CDH13: variants seen among roughly 807,000 people sequenced by gnomAD.
CDH13 encodes cadherin 13.
A neutral mutation model predicts 63.8 loss-of-function variants in CDH13; 24 were observed. That is an observed-to-expected ratio of 0.38 (90% CI 0.27 to 0.53). The LOEUF (loss-of-function observed/expected upper bound fraction) is 0.53, where lower values mean the gene tolerates loss of function less well. CDH13 is among the 20% of genes least tolerant of loss of function. CDH13 has a pLI of 0.85. For missense variants in CDH13, 1,049 were observed against 903.1 expected (o/e 1.16, Z -2.07); for synonymous variants, 503 against 355.3 (o/e 1.42, Z -4.67).
At chr16:83,122,999 A>G (rs1411937928) in intron 3 of CDH13, among the ~76,000 whole-genome samples, 1 of 151,952 alleles carries the variant, frequency 6.6e-6, no homozygotes, top group Non-Finnish European at 1.5e-5. Context: ...CCCATTGTTG[A>G]GCTCCCACCA....
intron 7 of CDH13, among the ~76,000 whole-genome samples, chr16:83,489,594 G>C (rs2073963913): frequency 6.6e-6 from 1 of 152,226 alleles, no homozygotes; most frequent in Admixed American, 6.5e-5. Context: ...TAAAAAACTT[G>C]CACATCAGAT....
chr16:83,457,650 G>C (rs1384805490), intron 6 of CDH13, among the ~76,000 whole-genome samples: 1 of 151,994 alleles, frequency 6.6e-6, no homozygotes, highest in East Asian at 1.9e-4. Flanking sequence ...GCTTTAGAGA[G>C]ATGAGTTCAG....
intron 7 of CDH13, among the ~76,000 whole-genome samples, chr16:83,542,836 G>C (rs754029510): frequency 6.6e-6 from 1 of 152,170 alleles, no homozygotes; most frequent in Non-Finnish European, 1.5e-5. Context: ...AATCATATTG[G>C]CTTAGGGCCC....
At chr16:83,136,572 T>A (rs1257653581) in intron 4 of CDH13, among the ~76,000 whole-genome samples, 1 of 150,734 alleles carries the variant, frequency 6.6e-6, no homozygotes, top group Non-Finnish European at 1.5e-5. Context: ...ATGAGAAGCA[T>A]AGCTCACCAT....
At position 83,403,399 on chromosome 16, in the gene CDH13, G is replaced by C. The variant is rs201945475; in HGVS notation, c.781+58393G>C. Among the ~76,000 whole-genome samples the C allele has an allele frequency of 2.0e-5, 3 of 152,062 alleles. No homozygotes were observed. In the East Asian group the frequency reaches 5.8e-4, roughly 29 times the overall value. ...AGCACTTTGGGAGGCCGAGGCGGGT[G>C]GATCACGAGGTCAGGAGATCGAGAG... On this transcript the variant is annotated intron_variant, in intron 6 of 13. Coordinates refer to ENST00000567109, the MANE Select transcript of CDH13 (RefSeq NM_001257.5).
At chr16:82,968,797 A>C (rs1908255098) in intron 2 of CDH13, among the ~76,000 whole-genome samples, 1 of 152,188 alleles carries the variant, frequency 6.6e-6, no homozygotes, top group South Asian at 2.1e-4. Context: ...TGAGCCTTTC[A>C]CAAATGGGTT....
Position 83,678,456 on chromosome 16 carries a change from C to A in CDH13, c.1533C>A (p.Thr511=), listed in dbSNP as rs1425580617. Residue 511 remains threonine (T), a synonymous_variant, in exon 10 of 14, where the codon ACC becomes ACA. Transcript: ENST00000567109. ...ACCCCGACTCCCTGCAGCATCAAAC[C>A]ATCAGGTGGGTGAGTGGCTCCGGAA... The part of the protein sequence containing the change: ...ATDPDSLQHQ[T]IRYSVYKDPA... 5 of 1,613,934 alleles carry A rather than the reference C, an allele frequency of 3.1e-6. No homozygotes were observed. The highest frequency in any genetic ancestry group is 1.1e-5 in the South Asian group (1 of 91,070).
chr16:83,363,540 T>G (rs2091203419), intron 6 of CDH13, among the ~76,000 whole-genome samples: 1 of 152,170 alleles, frequency 6.6e-6, no homozygotes, highest in African/African-American at 2.4e-5. Context: ...TGAGAATTAG[T>G]TGGTGGTGAG....
chr16:82,649,091 G>GAGAA (rs1020643770), intron 1 of CDH13, among the ~76,000 whole-genome samples: 11 of 152,024 alleles, frequency 7.2e-5, no homozygotes, highest in African/African-American at 2.7e-4. Flanking sequence ...TATAGTTAGA[G>GAGAA]AGTGAGCGCG....
At chr16:83,360,130 C>G (rs1211186048) in intron 6 of CDH13, among the ~76,000 whole-genome samples, 4 of 152,164 alleles carry the variant, frequency 2.6e-5, no homozygotes, top group South Asian at 2.1e-4. Context: ...GTTCTATTGC[C>G]AAAGATAGGG....
intron 5 of CDH13, among the ~76,000 whole-genome samples, chr16:83,323,218 CTT>C (rs1695878030): frequency 1.4e-5 from 2 of 143,208 alleles, no homozygotes; most frequent in Non-Finnish European, 1.5e-5. Flanking sequence ...TTCTTTCTTT[CTT>C]TCTTTCTTTC....
chr16:82,725,252 C>T (rs2151027406), intron 1 of CDH13, among the ~76,000 whole-genome samples: 1 of 152,268 alleles, frequency 6.6e-6, no homozygotes, highest in East Asian at 1.9e-4. Flanking sequence ...TGTCTCTTTC[C>T]CCATACTCGT....
At chr16:83,018,723 A>C (rs754912082) in intron 2 of CDH13, among the ~76,000 whole-genome samples, 5 of 152,236 alleles carry the variant, frequency 3.3e-5, no homozygotes, top group Non-Finnish European at 7.3e-5. Context: ...GGTATAGCCT[A>C]TTACACACCT....
intron 6 of CDH13, among the ~76,000 whole-genome samples, chr16:83,417,096 T>A (rs139663614): frequency 6.6e-6 from 1 of 152,218 alleles, no homozygotes; most frequent in African/African-American, 2.4e-5. Context: ...GCCACTGTTA[T>A]TATTCCTACT....
intron 2 of CDH13, among the ~76,000 whole-genome samples, chr16:82,921,660 C>G (rs2216735): frequency 7.2e-5 from 11 of 151,846 alleles, no homozygotes; most frequent in African/African-American, 2.7e-4. Context: ...AATATGTTGT[C>G]GAGGATTTTG....
rs141264000 is a variant in CDH13 at position 83,675,758 on chromosome 16, A to G, written c.1285-2450A>G. On this transcript the variant is annotated intron_variant, in intron 9 of 13. Transcript: ENST00000567109. Reference sequence around the variant, plus strand: ...CAGGGCCAGGACTTGACTGCCACCCATCTTTCTATCTAATAAAAAAATAGG... The same window carrying G: ...CAGGGCCAGGACTTGACTGCCACCCGTCTTTCTATCTAATAAAAAAATAGG... Among the ~76,000 whole-genome samples the G allele has an allele frequency of 4.4e-4, 67 of 152,338 alleles. 1 individual carries two copies. In the East Asian group the frequency reaches 8.3e-3, roughly 19 times the overall value.
chr16:82,782,935 C>T (rs1016129940), intron 1 of CDH13, among the ~76,000 whole-genome samples: 10 of 152,164 alleles, frequency 6.6e-5, no homozygotes, highest in African/African-American at 2.4e-4. Context: ...CTAGGGGCAA[C>T]TCTACTTCCC....
At chr16:83,352,504 A>G (rs2090973408) in intron 6 of CDH13, among the ~76,000 whole-genome samples, 1 of 152,220 alleles carries the variant, frequency 6.6e-6, no homozygotes, top group Non-Finnish European at 1.5e-5. Flanking sequence ...CTGTATCAAA[A>G]AAACACCTGC....
intron 10 of CDH13, among the ~76,000 whole-genome samples, chr16:83,729,407 T>A (rs568170503): frequency 6.6e-6 from 1 of 152,236 alleles, no homozygotes; most frequent in South Asian, 2.1e-4. Flanking sequence ...GCCAAAAAAA[T>A]TTTATTTGCA....
Sources: gnomAD v4.1 joint callset for allele counts (sites outside exome capture counted in the v4.1 genomes callset) on GRCh38, gnomAD v4.1.1 for gene constraint, MANE v1.5 for transcripts, NCBI Gene and HGNC (gene_info 2026-07-23, HGNC 2026-07-21) for gene names.